Variants in CDH13 observed in about 807,000 individuals in gnomAD.
CDH13 encodes the protein cadherin 13, also known as cadherin-13.
Under a neutral mutation model 63.8 loss-of-function variants are expected in CDH13, and 24 were observed. The ratio of observed to expected loss-of-function variants is 0.38; its 90% confidence interval spans 0.27 to 0.53. The LOEUF is 0.53. CDH13 is among the 20% of genes least tolerant of loss of function. The pLI, the probability that CDH13 is intolerant of heterozygous loss-of-function variation, is 0.85. For synonymous variants in CDH13, 503 were observed against 355.3 expected, an observed-to-expected ratio of 1.42 and a Z score of -4.67; for missense variants, 1,049 against 903.1, an observed-to-expected ratio of 1.16 and a Z score of -2.07.
At chr16:83,168,253 CA>C (rs150997534) in intron 4 of CDH13, among the ~76,000 whole-genome samples, 1 of 151,604 alleles carries the variant, frequency 6.6e-6, no homozygotes, top group Non-Finnish European at 1.5e-5. Flanking sequence ...AATAAATGAA[CA>C]AAAAAACCCC....
intron 6 of CDH13, among the ~76,000 whole-genome samples, chr16:83,382,264 A>G (rs145647103): frequency 2.0e-5 from 3 of 152,204 alleles, no homozygotes; most frequent in African/African-American, 7.2e-5. Flanking sequence ...ACATTGACCA[A>G]TACTAGCATC....
chr16:82,848,995 C>A (rs1035951080), intron 1 of CDH13, among the ~76,000 whole-genome samples: 1 of 152,126 alleles, frequency 6.6e-6, no homozygotes, highest in Non-Finnish European at 1.5e-5. Flanking sequence ...AGTAAGACAG[C>A]CTTATTGCTG....
At chr16:83,720,357 A>G (rs1909528227) in intron 10 of CDH13, among the ~76,000 whole-genome samples, 1 of 151,886 alleles carries the variant, frequency 6.6e-6, no homozygotes, top group Non-Finnish European at 1.5e-5. Context: ...ACATGCACAC[A>G]CTCTCCAGTA....
intron 10 of CDH13, among the ~76,000 whole-genome samples, chr16:83,691,525 A>G (rs1291408271): frequency 6.6e-6 from 1 of 152,102 alleles, no homozygotes; most frequent in African/African-American, 2.4e-5. Context: ...CCTTGCAAAG[A>G]AAAGTACATA....
intron 1 of CDH13, among the ~76,000 whole-genome samples, chr16:82,699,156 T>A (rs62036339): frequency 0.048 from 7,352 of 152,184 alleles, 270 homozygotes; most frequent in South Asian, 0.11. Context: ...TTGTTGAAGG[T>A]GGATATTTCT....
intron 1 of CDH13, among the ~76,000 whole-genome samples, chr16:82,674,516 GC>G (rs1255330092): frequency 6.6e-6 from 1 of 152,236 alleles, no homozygotes; most frequent in Non-Finnish European, 1.5e-5. Context: ...CACAGCAGGG[GC>G]AAGTGCCTGA....
intron 1 of CDH13, among the ~76,000 whole-genome samples, chr16:82,855,726 T>C (rs2039655198): frequency 6.6e-6 from 1 of 152,180 alleles, no homozygotes; most frequent in Non-Finnish European, 1.5e-5. Flanking sequence ...TTCTTTTCAC[T>C]TTGATTTGAG....
At chr16:83,292,454 C>T (rs11644424) in intron 5 of CDH13, among the ~76,000 whole-genome samples, 2 of 151,898 alleles carry the variant, frequency 1.3e-5, no homozygotes, top group South Asian at 4.2e-4. Context: ...CCATTACTCC[C>T]CCTTTGATTG....
At chr16:82,675,523 GC>G (rs1913795313) in intron 1 of CDH13, among the ~76,000 whole-genome samples, 1 of 152,146 alleles carries the variant, frequency 6.6e-6, no homozygotes, top group Non-Finnish European at 1.5e-5. Flanking sequence ...TGACTCCTTG[GC>G]CCAGCACAGT....
At chr16:83,490,934 A>G (rs1365667279) in intron 7 of CDH13, among the ~76,000 whole-genome samples, 2 of 152,206 alleles carry the variant, frequency 1.3e-5, no homozygotes, top group Non-Finnish European at 2.9e-5. Flanking sequence ...CTCTCTCTCT[A>G]TTCCCATTGC....
chr16:82,945,021 T>C (rs2151314433), intron 2 of CDH13, among the ~76,000 whole-genome samples: 1 of 152,330 alleles, frequency 6.6e-6, no homozygotes, highest in East Asian at 1.9e-4. Context: ...ATAATTGCTG[T>C]CATTTTCTTT....
chr16:82,810,220 C>G (rs1364445299), intron 1 of CDH13, among the ~76,000 whole-genome samples: 2 of 152,130 alleles, frequency 1.3e-5, no homozygotes, highest in African/African-American at 4.8e-5. Context: ...TCCAGTTCAA[C>G]AAAAGAATAA....
intron 3 of CDH13, among the ~76,000 whole-genome samples, chr16:83,063,832 C>G (rs896820831): frequency 9.9e-5 from 15 of 152,168 alleles, no homozygotes; most frequent in African/African-American, 3.6e-4. Flanking sequence ...TCTTCAGTCT[C>G]TGGAGGCAGT....
At chr16:83,158,404 A>G (rs1343529500) in intron 4 of CDH13, among the ~76,000 whole-genome samples, 1 of 152,036 alleles carries the variant, frequency 6.6e-6, no homozygotes, top group Non-Finnish European at 1.5e-5. Flanking sequence ...TCTTTATTCA[A>G]TAACTCTGCC....
chr16:83,438,727 T>C (rs931191890), intron 6 of CDH13, among the ~76,000 whole-genome samples: 11 of 152,262 alleles, frequency 7.2e-5, no homozygotes, highest in African/African-American at 2.4e-4. Flanking sequence ...TTCACAATTA[T>C]AATCCCCCAA....
chr16:82,985,625 G>A (rs1179025956), intron 2 of CDH13, among the ~76,000 whole-genome samples: 1 of 152,148 alleles, frequency 6.6e-6, no homozygotes, highest in Non-Finnish European at 1.5e-5. Context: ...TCTTGGGCAG[G>A]ACCCTCACCC....
chr16:83,016,327 G>A (rs1914790883), intron 2 of CDH13, among the ~76,000 whole-genome samples: 1 of 152,222 alleles, frequency 6.6e-6, no homozygotes, highest in Non-Finnish European at 1.5e-5. Context: ...CAGCTGATGA[G>A]TATCTCACAC....
rs569547721 is a variant in CDH13 at position 83,245,799 on chromosome 16, A to G, written c.636+28302A>G. On this transcript the variant is annotated intron_variant, in intron 5 of 13. Coordinates refer to ENST00000567109, the MANE Select transcript of CDH13 (RefSeq NM_001257.5). ...ACCCTGTCTCCCAGGCTGGAGTGCA[A>G]TGGTGTGATCATGGCTCACTGCAGC... Among the ~76,000 whole-genome samples, 25 of 151,964 alleles carry G rather than the reference A, an allele frequency of 1.6e-4. No individual in the cohort carries two copies. In the South Asian group the frequency reaches 5.2e-3, roughly 32 times the overall value.
intron 7 of CDH13, among the ~76,000 whole-genome samples, chr16:83,594,985 C>A (rs1323964330): frequency 2.0e-5 from 3 of 152,108 alleles, no homozygotes; most frequent in Non-Finnish European, 4.4e-5. Flanking sequence ...GCTTTTGTTT[C>A]TAGAATATAT....
Sources: gnomAD v4.1 joint callset for allele counts (sites outside exome capture counted in the v4.1 genomes callset) on GRCh38, gnomAD v4.1.1 for gene constraint, MANE v1.5 for transcripts, NCBI Gene and HGNC (gene_info 2026-07-23, HGNC 2026-07-21) for gene names.